Variants in NTM observed in about 807,000 individuals in gnomAD.
NTM encodes the protein IgLON family member 2.
In NTM, 13 loss-of-function variants were observed where a neutral mutation model predicts 42.1. The observed-to-expected ratio is 0.31, with a 90% CI of 0.20 to 0.49. NTM has a LOEUF of 0.49. Ranked by LOEUF, NTM falls within the 20% of genes least tolerant of loss-of-function variation. The pLI, the probability that NTM is intolerant of heterozygous loss-of-function variation, is 0.99. For missense variants in NTM, 373 were observed against 452.8 expected (o/e 0.82, Z 1.60); for synonymous variants, 187 against 179.2 (o/e 1.04, Z -0.35).
intron 1 of NTM, among the ~76,000 whole-genome samples, chr11:131,447,276 C>T (rs564334088): frequency 4.6e-5 from 7 of 152,322 alleles, no homozygotes; most frequent in African/African-American, 1.7e-4. Context: ...GAGTTACCTC[C>T]TCTCTGACCT....
chr11:131,456,221 A>T lies in NTM; in HGVS notation c.82+85333A>T, dbSNP rs142330016. 2.4e-3 allele frequency among the ~76,000 whole-genome samples: 371 copies of T among 152,336 alleles called. 2 individuals carry two copies. Among genetic ancestry groups the T allele is most frequent in the African/African-American group, 7.9e-3 (329 of 41,578 alleles). On this transcript the variant is annotated intron_variant, in intron 1 of 8. Transcript: ENST00000683400. ...AACTGGTCTCAGAGTTTGTTTCAGT[A>T]GCAGCAGGTTGTTTCAGTCGCTGTT... is the stretch of plus-strand genomic sequence containing the variant.
Position 131,470,216 on chromosome 11 carries a change from T to G in NTM, c.82+99328T>G, listed in dbSNP as rs57289090. On this transcript the variant is annotated intron_variant, in intron 1 of 8. Coordinates refer to ENST00000683400, the MANE Select transcript of NTM (RefSeq NM_001352005.2). ...TATTAGCCCGGGGTTAGAAAGTTAGTGGGAAAGTAGGACTCTAATCCATAT... is the reference window on the plus strand; with the variant it reads ...TATTAGCCCGGGGTTAGAAAGTTAGGGGGAAAGTAGGACTCTAATCCATAT... 8.1e-3 allele frequency among the ~76,000 whole-genome samples: 1,236 copies of G among 152,302 alleles called. 18 individuals are homozygous for G. Among genetic ancestry groups the G allele is most frequent in the African/African-American group, 0.028 (1,183 of 41,562 alleles).
At chr11:131,537,827 C>T (rs891768963) in intron 1 of NTM, 1 of 152,350 alleles carries the variant, frequency 6.6e-6, no homozygotes, top group African/African-American at 2.4e-5. Flanking sequence ...TCCATCTGTT[C>T]GGGGCTCCCT....
At chr11:131,382,499 A>C (rs1942813401) in intron 1 of NTM, among the ~76,000 whole-genome samples, 3 of 152,210 alleles carry the variant, frequency 2.0e-5, no homozygotes, top group Admixed American at 6.5e-5. Context: ...CACTTGTGAA[A>C]AAAAAAATCT....
intron 2 of NTM, among the ~76,000 whole-genome samples, chr11:132,026,933 G>A (rs539799592): frequency 3.9e-5 from 6 of 152,116 alleles, no homozygotes; most frequent in Admixed American, 1.3e-4. Flanking sequence ...CTGTCCTTCC[G>A]ACACCCATTT....
chr11:131,660,001 T>C (rs113206317), intron 1 of NTM, among the ~76,000 whole-genome samples: 1 of 152,208 alleles, frequency 6.6e-6, no homozygotes, highest in African/African-American at 2.4e-5. Context: ...ATCCGCTACA[T>C]AGCGTGGTGG....
At chr11:132,134,136 T>A (rs2067309937) in intron 2 of NTM, among the ~76,000 whole-genome samples, 1 of 152,174 alleles carries the variant, frequency 6.6e-6, no homozygotes, top group Admixed American at 6.5e-5. Flanking sequence ...TTGCCCTGGC[T>A]TGTCTTGAAC....
At chr11:132,147,212 T>TGAGAGA (rs1205491013) in intron 3 of NTM, among the ~76,000 whole-genome samples, 7 of 124,714 alleles carry the variant, frequency 5.6e-5, no homozygotes, top group African/African-American at 1.2e-4. Context: ...TGTGTGTGTG[T>TGAGAGA]GTGAGAGAGA....
At chr11:131,812,498 C>A (rs2092779065) in intron 1 of NTM, among the ~76,000 whole-genome samples, 1 of 152,032 alleles carries the variant, frequency 6.6e-6, no homozygotes, top group African/African-American at 2.4e-5. Flanking sequence ...CTCCATCCCT[C>A]CTTTTTCCTT....
At chr11:131,760,493 G>A (rs1459289978) in intron 1 of NTM, among the ~76,000 whole-genome samples, 2 of 152,208 alleles carry the variant, frequency 1.3e-5, no homozygotes, top group Non-Finnish European at 2.9e-5. Flanking sequence ...TGCTGGGTGG[G>A]TGGTTTTTTA....
intron 2 of NTM, among the ~76,000 whole-genome samples, chr11:131,973,690 G>A (rs554675523): frequency 9.2e-5 from 14 of 152,234 alleles, no homozygotes; most frequent in East Asian, 3.9e-4. Flanking sequence ...GGTGGTGAGC[G>A]CCCGTAATCC....
intron 1 of NTM, among the ~76,000 whole-genome samples, chr11:131,779,367 G>C (rs967774429): frequency 6.6e-6 from 1 of 152,164 alleles, no homozygotes; most frequent in African/African-American, 2.4e-5. Flanking sequence ...TCATTATGCA[G>C]CTGTAGAAAA....
chr11:131,944,520 C>T (rs1172375496), intron 2 of NTM, among the ~76,000 whole-genome samples: 1 of 152,160 alleles, frequency 6.6e-6, no homozygotes, highest in African/African-American at 2.4e-5. Context: ...CAGCATTTTG[C>T]CCTTGAAATA....
intron 1 of NTM, among the ~76,000 whole-genome samples, chr11:131,565,004 A>T (rs969730143): frequency 8.5e-5 from 13 of 152,228 alleles, no homozygotes; most frequent in African/African-American, 2.9e-4. Flanking sequence ...GCCATGCGGT[A>T]TGGGACAGGA....
intron 1 of NTM, among the ~76,000 whole-genome samples, chr11:131,783,010 T>C (rs191621170): frequency 6.6e-6 from 1 of 152,254 alleles, no homozygotes; most frequent in Admixed American, 6.5e-5. Flanking sequence ...ATGAATAATA[T>C]GTATACAGAT....
chr11:131,465,969 C>A (rs560903358), intron 1 of NTM, among the ~76,000 whole-genome samples: 1 of 152,210 alleles, frequency 6.6e-6, no homozygotes, highest in African/African-American at 2.4e-5. Context: ...GCCCTTTGAG[C>A]GCCCCTTCAG....
chr11:131,471,578 T>C (rs1274054063), intron 1 of NTM, among the ~76,000 whole-genome samples: 5 of 152,214 alleles, frequency 3.3e-5, no homozygotes, highest in Non-Finnish European at 7.3e-5. Flanking sequence ...CTTATATTTA[T>C]ATTAAAACTT....
chr11:131,718,390 C>T (rs1334687192), intron 1 of NTM, among the ~76,000 whole-genome samples: 1 of 152,132 alleles, frequency 6.6e-6, no homozygotes, highest in Non-Finnish European at 1.5e-5. Flanking sequence ...TGTGTTTTGG[C>T]TCTTGCTCTT....
intron 4 of NTM, among the ~76,000 whole-genome samples, chr11:132,244,056 T>G (rs2090657401): frequency 6.6e-6 from 1 of 152,198 alleles, no homozygotes; most frequent in Non-Finnish European, 1.5e-5. Context: ...ACACTGCAGA[T>G]CCGTAAATCA....
Sources: gnomAD v4.1 joint callset for allele counts (sites outside exome capture counted in the v4.1 genomes callset) on GRCh38, gnomAD v4.1.1 for gene constraint, MANE v1.5 for transcripts, NCBI Gene and HGNC (gene_info 2026-07-23, HGNC 2026-07-21) for gene names.